ICE1: variants seen among roughly 807,000 people sequenced by gnomAD.
ICE1 encodes the protein little elongation complex subunit 1.
ICE1 carries 64 observed loss-of-function variants against 192.7 expected under a neutral mutation model. That is an observed-to-expected ratio of 0.33 (90% CI 0.27 to 0.41). The LOEUF is 0.41. Among genes scored for constraint, ICE1 ranks in the 10% least tolerant of loss-of-function variants. The pLI is 1.00. For synonymous variants in ICE1, 1,010 were observed against 984.5 expected (o/e 1.03, Z -0.49); for missense variants, 2,708 against 2,696.0 (o/e 1.00, Z -0.10).
chr5:5,477,831 T>C (rs1371219126), intron 17 of ICE1, among the ~76,000 whole-genome samples: 2 of 152,132 alleles, frequency 1.3e-5, no homozygotes, highest in East Asian at 1.9e-4. Context: ...GTTCAACATA[T>C]GCAAAGCAAT....
intron 1 of ICE1, 84 bp downstream of exon 1, chr5:5,423,083 C>T: frequency 2.4e-6 from 2 of 849,896 alleles, no homozygotes; most frequent in Non-Finnish European, 3.2e-6. Flanking sequence ...TCCGGCCGCG[C>T]GGGCTGTGCC....
At chr5:5,449,000 A>G (rs1738333316) in intron 10 of ICE1, among the ~76,000 whole-genome samples, 2 of 150,980 alleles carry the variant, frequency 1.3e-5, no homozygotes, top group South Asian at 4.2e-4. Context: ...CAGCGGTTGA[A>G]TGGAATTATC....
At chr5:5,443,068 C>A in intron 5 of ICE1, 100 bp from the exon 6 acceptor site, 1 of 635,762 alleles carries the variant, frequency 1.6e-6, no homozygotes, top group Non-Finnish European at 2.7e-6. Context: ...TGCCTAATGT[C>A]TGTTTATTTG....
At chr5:5,468,138 T>G (rs932983298) in intron 14 of ICE1, among the ~76,000 whole-genome samples, 1 of 152,028 alleles carries the variant, frequency 6.6e-6, no homozygotes, top group African/African-American at 2.4e-5. Flanking sequence ...ACATGCTGAG[T>G]GGGGAAGCCA....
intron 1 of ICE1, among the ~76,000 whole-genome samples, chr5:5,423,841 TGTG>T (rs1475990245): frequency 6.6e-6 from 1 of 152,190 alleles, no homozygotes. Context: ...CTACAGACAT[TGTG>T]GTGAACAAAA....
chr5:5,457,322 C>A lies in ICE1; in HGVS notation c.692-10C>A, dbSNP rs776230687. The A allele has an allele frequency of 6.3e-7, 1 of 1,578,824 alleles. No individual in the cohort carries two copies. ...AAATACCTGATACCTACTTTTGTTC[C>A]CCCACATAGAAAAACCTGCCAAAGC... is the stretch of plus-strand genomic sequence containing the variant. On this transcript the variant is annotated splice_polypyrimidine_tract_variant and intron_variant, in intron 11 of 18. Transcript: ENST00000296564.
At chr5:5,446,460 C>T (rs147436816) in intron 7 of ICE1, among the ~76,000 whole-genome samples, 2,191 of 150,758 alleles carry the variant, frequency 0.015, 22 homozygotes, top group Middle Eastern at 0.028. Flanking sequence ...CGACTAATTT[C>T]GACTAATTTT....
intron 1 of ICE1, among the ~76,000 whole-genome samples, chr5:5,428,938 G>T (rs2111330557): frequency 6.6e-6 from 1 of 152,290 alleles, no homozygotes; most frequent in Middle Eastern, 3.4e-3. Flanking sequence ...CTAAGACCAT[G>T]CTCATGTTCA....
chr5:5,475,243 G>C (rs771451479), intron 16 of ICE1, among the ~76,000 whole-genome samples: 38 of 152,154 alleles, frequency 2.5e-4, no homozygotes, highest in Non-Finnish European at 4.1e-4. Flanking sequence ...TGCCGACCCT[G>C]CTCCCTTCCT....
chr5:5,474,589 G>C (rs1739260589), intron 16 of ICE1, among the ~76,000 whole-genome samples: 2 of 152,222 alleles, frequency 1.3e-5, no homozygotes, highest in Admixed American at 1.3e-4. Context: ...ACTTTTCTCT[G>C]TGCATCTATA....
intron 18 of ICE1, 92 bp downstream of exon 18, chr5:5,486,911 G>T: frequency 3.6e-6 from 3 of 825,234 alleles, no homozygotes; most frequent in South Asian, 3.5e-5. Context: ...GCTGTGCTCT[G>T]TGCTTTGCTT....
chr5:5,466,906 G>C (rs1458058338), intron 14 of ICE1, among the ~76,000 whole-genome samples: 1 of 152,218 alleles, frequency 6.6e-6, no homozygotes, highest in Non-Finnish European at 1.5e-5. Context: ...AAGCTGAAAG[G>C]AGACGGTGAC....
At chr5:5,484,082 T>C (rs529754917) in intron 17 of ICE1, among the ~76,000 whole-genome samples, 2 of 152,320 alleles carry the variant, frequency 1.3e-5, no homozygotes, top group East Asian at 1.9e-4. Flanking sequence ...TCATTTCTTA[T>C]TTGTATTCTA....
In ICE1 at chr5:5,464,093, T is replaced by G. The variant is rs1311505596; in HGVS notation, c.4759T>G (p.Phe1587Val). The G allele has an allele frequency of 6.2e-7, 1 of 1,613,382 alleles. No individual in the cohort carries two copies. Among genetic ancestry groups the G allele is most frequent in the East Asian group, 2.2e-5 (1 of 44,886 alleles). ...ETHQSEVAQS[F>V]SGEKANTKTQ... ...TCATCAGAGTGAAGTTGCTCAGTCA[T>G]TTTCAGGGGAAAAAGCTAATACAAA... Residue 1587 changes from phenylalanine (F) to valine (V), a missense_variant, in exon 13 of 19, where the codon TTT becomes GTT. Transcript: ENST00000296564. The surrounding 1 kb of genome is among the most constrained non-coding windows in gnomAD (Gnocchi z 4.0).
chr5:5,442,458 A>G (rs1021415363), intron 5 of ICE1, among the ~76,000 whole-genome samples: 7 of 152,376 alleles, frequency 4.6e-5, no homozygotes, highest in Admixed American at 2.0e-4. Flanking sequence ...ACAGTGTTCA[A>G]TGATCTCTAT....
chr5:5,476,796 A>C (rs928296427), intron 17 of ICE1, among the ~76,000 whole-genome samples: 7 of 152,162 alleles, frequency 4.6e-5, no homozygotes, highest in African/African-American at 1.7e-4. Context: ...ATTCAACGTG[A>C]GATTTGGGCG....
chr5:5,464,456 A>G lies in ICE1; in HGVS notation c.5122A>G (p.Arg1708Gly). ...TCCATCTGCAGCTTCAGCCAGTGAG[A>G]GGGTAGTGCCGTCTCCTCTGCAGTT... ...PSPSAASASE[R>G]VVPSPLQFCA... Residue 1708 changes from arginine (R) to glycine (G), a missense_variant, in exon 13 of 19, where the codon AGG becomes GGG. Transcript: ENST00000296564. The surrounding 1 kb of genome is among the most constrained non-coding windows in gnomAD (Gnocchi z 4.0). 6.2e-7 allele frequency: 1 copy of G among 1,613,768 alleles called. No individual in the cohort carries two copies. Among genetic ancestry groups the G allele is most frequent in the Non-Finnish European group, 8.5e-7 (1 of 1,179,836 alleles).
intron 5 of ICE1, among the ~76,000 whole-genome samples, chr5:5,442,498 G>C (rs1257495428): frequency 6.6e-6 from 1 of 152,208 alleles, no homozygotes; most frequent in Non-Finnish European, 1.5e-5. Flanking sequence ...AGCCATATTT[G>C]AGAAGAAGCA....
At chr5:5,480,349 G>A (rs1393311943) in intron 17 of ICE1, among the ~76,000 whole-genome samples, 4 of 147,368 alleles carry the variant, frequency 2.7e-5, no homozygotes, top group African/African-American at 1.0e-4. Flanking sequence ...TCCCGGGTTT[G>A]CGCCATTCTC....
Sources: gnomAD v4.1 joint callset for allele counts (sites outside exome capture counted in the v4.1 genomes callset) on GRCh38, gnomAD v4.1.1 for gene constraint, Gnocchi (gnomAD v3.1) non-coding constraint, MANE v1.5 for transcripts, NCBI Gene and HGNC (gene_info 2026-07-23, HGNC 2026-07-21) for gene names.